Variants in MORC3 observed in about 807,000 individuals in gnomAD.
MORC3 encodes MORC family CW-type zinc finger 3, also known as MORC family CW-type zinc finger protein 3.
Under a neutral mutation model 109.1 loss-of-function variants are expected in MORC3, and 31 were observed. The observed-to-expected ratio is 0.28, with a 90% CI of 0.21 to 0.38. MORC3 has a LOEUF of 0.38. Ranked by LOEUF, MORC3 falls within the 10% of genes least tolerant of loss-of-function variation. MORC3 has a pLI of 1.00. For missense variants in MORC3, 867 were observed against 1,135.8 expected (o/e 0.76, Z 3.40); for synonymous variants, 395 against 380.7 (o/e 1.04, Z -0.44).
chr21:36,346,348 A>T (rs2085507442), intron 8 of MORC3, among the ~76,000 whole-genome samples: 1 of 152,184 alleles, frequency 6.6e-6, no homozygotes, highest in Non-Finnish European at 1.5e-5. Flanking sequence ...TTGATCCTGA[A>T]CAGCCCTGAG....
chr21:36,350,975 G>C (rs1050794696), intron 9 of MORC3, among the ~76,000 whole-genome samples: 1 of 149,126 alleles, frequency 6.7e-6, no homozygotes, highest in African/African-American at 2.5e-5. Flanking sequence ...GCCTTATTTT[G>C]TGTTAGGAAC....
At chr21:36,321,796 G>A (rs984757055) in intron 1 of MORC3, among the ~76,000 whole-genome samples, 2 of 152,160 alleles carry the variant, frequency 1.3e-5, no homozygotes, top group African/African-American at 4.8e-5. Context: ...GAGAAACGGA[G>A]TGAGTTGATT....
At chr21:36,351,465 C>T (rs551363943) in intron 9 of MORC3, among the ~76,000 whole-genome samples, 5 of 152,182 alleles carry the variant, frequency 3.3e-5, no homozygotes, top group Non-Finnish European at 7.3e-5. Context: ...CCTCTCCCCA[C>T]TACCTGTCCC....
chr21:36,369,184 G>A lies in MORC3; in HGVS notation c.1816G>A (p.Gly606Ser). The change falls in exon 15 of 17, where the codon GGT becomes AGT. Residue 606 changes from glycine (G) to serine (S), a missense_variant. Gly to Ser is a moderately conservative substitution (Grantham distance 56). Around this residue, in one of 7 missense-constraint regions of MORC3, gnomAD observed 486 missense variants for 502.1 expected, o/e 0.97. Transcript: ENST00000400485. ...MKSEQSHVEQ[G>S]GVQVEFVGDS... The stretch of plus-strand genomic sequence containing the variant: ...ATCAGAACAGAGTCACGTTGAGCAA[G>A]GTGGTGTTCAGGTTGAGTTTGTGGG... The A allele has an allele frequency of 6.2e-7, 1 of 1,614,166 alleles. No homozygotes were observed. The highest frequency in any genetic ancestry group is 8.5e-7 in the Non-Finnish European group (1 of 1,180,044).
intron 16 of MORC3, 48 bp from the exon 17 acceptor site, chr21:36,375,095 T>C: frequency 1.3e-6 from 2 of 1,542,050 alleles, no homozygotes; most frequent in Non-Finnish European, 1.8e-6. Flanking sequence ...TCTACATGAA[T>C]CTTAACTTGT....
intron 6 of MORC3, 71 bp downstream of exon 6, chr21:36,341,617 T>TAA: frequency 1.3e-6 from 2 of 1,583,388 alleles, no homozygotes; most frequent in Admixed American, 1.9e-5. Context: ...GAGGTCATGT[T>TAA]ACCTGCTTGT....
intron 1 of MORC3, among the ~76,000 whole-genome samples, chr21:36,327,410 C>T (rs185778496): frequency 6.6e-6 from 1 of 150,948 alleles, no homozygotes; most frequent in Non-Finnish European, 1.5e-5. Flanking sequence ...CCTCAGCCTC[C>T]CAAAGTGCTG....
At position 36,344,947 on chromosome 21, in the gene MORC3, C is replaced by T. The variant is rs1360441755; in HGVS notation, c.921C>T (p.Cys307=). ...KTVRITFGFN[C]RNKDHYGIMM... is the part of the protein sequence containing the mutation. ...TGAGAATTACCTTTGGATTCAACTG[C>T]AGAAATAAAGATCATTATGGGATAA... is the stretch of plus-strand genomic sequence containing the variant. Residue 307 remains cysteine, a synonymous_variant, in exon 8 of 17, where the codon TGC becomes TGT. Coordinates refer to ENST00000400485, the MANE Select transcript of MORC3 (RefSeq NM_015358.3). 2 of 1,611,340 alleles carry T rather than the reference C, an allele frequency of 1.2e-6. No individual in the cohort carries two copies. The highest frequency in any genetic ancestry group is 2.2e-5 in the South Asian group (2 of 90,264).
chr21:36,339,049 C>G (rs577485724), intron 5 of MORC3, 128 bp downstream of exon 5: 1 of 1,089,288 alleles, frequency 9.2e-7, no homozygotes, highest in African/African-American at 1.6e-5. Context: ...GGTGTAGTTA[C>G]TGATTTGTCT....
chr21:36,368,977 A>C lies in MORC3; in HGVS notation c.1620-11A>C. ...TATAATCTTATGTTTTATGTATAAA[A>C]TTTTTTTCAGCTTGAAACGGAGACT... On this transcript the variant is annotated splice_polypyrimidine_tract_variant and intron_variant, in intron 14 of 16. Coordinates refer to ENST00000400485, the MANE Select transcript of MORC3 (RefSeq NM_015358.3). The C allele has an allele frequency of 6.3e-7, 1 of 1,576,732 alleles. No homozygotes were observed. Among genetic ancestry groups the C allele is most frequent in the South Asian group, 1.2e-5 (1 of 86,288 alleles).
At position 36,369,753 on chromosome 21, in the gene MORC3, T is replaced by C; in HGVS notation, c.2385T>C (p.Ala795=). 1 of 1,614,198 alleles carries C rather than the reference T, an allele frequency of 6.2e-7. No homozygotes were observed. The highest frequency in any genetic ancestry group is 2.2e-5 in the East Asian group (1 of 44,884). Residue 795 remains alanine (A), a synonymous_variant, in exon 15 of 17, where the codon GCT becomes GCC. Transcript: ENST00000400485. The part of the protein sequence containing the change: ...KQCSALQHVK[A]ECSQCSNNES... ...GTAGTGCTTTGCAACATGTAAAGGC[T>C]GAATGCAGCCAGTGTTCCAATAATG... is the stretch of plus-strand genomic sequence containing the variant.
At chr21:36,362,808 G>A (rs1453348077) in intron 13 of MORC3, among the ~76,000 whole-genome samples, 1 of 151,992 alleles carries the variant, frequency 6.6e-6, no homozygotes, top group Admixed American at 6.6e-5. Flanking sequence ...ACTTCTGCTT[G>A]CCCACCTTTC....
rs1308965857 is a variant in MORC3 at position 36,375,894 on chromosome 21, T to C, written c.*598T>C. 2 of 152,276 alleles carry C rather than the reference T, an allele frequency of 1.3e-5. No individual in the cohort carries two copies. Among genetic ancestry groups the C allele is most frequent in the African/African-American group, 4.8e-5 (2 of 41,462 alleles). The allele number at this position is 152,276 out of a possible 1,614,324, so 9.4% of individuals were successfully genotyped here. ...ACTCCATTTTGCCAGGATTTTGTTG[T>C]GCTGAGATTGCCAATCACGGTTAAA... is the stretch of plus-strand genomic sequence containing the variant. On this transcript the variant is annotated 3_prime_UTR_variant, in exon 17 of 17. Transcript: ENST00000400485.
At position 36,369,761 on chromosome 21, in the gene MORC3, G is replaced by A. The variant is rs796950649; in HGVS notation, c.2393G>A (p.Ser798Asn). 1.2e-6 allele frequency: 2 copies of A among 1,614,210 alleles called. No homozygotes were observed. The highest frequency in any genetic ancestry group is 2.2e-5 in the South Asian group (2 of 91,090). ...SALQHVKAEC[S>N]QCSNNESKSE... ...TTGCAACATGTAAAGGCTGAATGCA[G>A]CCAGTGTTCCAATAATGAGAGTAAA... Residue 798 changes from serine (S) to asparagine (N), a missense_variant, in exon 15 of 17, where the codon AGC (serine) becomes AAC (asparagine). Coordinates refer to ENST00000400485, the MANE Select transcript of MORC3 (RefSeq NM_015358.3).
rs531260623 is a variant in MORC3, at chr21:36,322,068, A to C, written c.39+1765A>C. 1.6e-4 allele frequency among the ~76,000 whole-genome samples: 25 copies of C among 152,332 alleles called. No individual in the cohort carries two copies. In the South Asian group the frequency reaches 5.2e-3, roughly 32 times the overall value. On this transcript the variant is annotated intron_variant, in intron 1 of 16. Coordinates refer to ENST00000400485, the MANE Select transcript of MORC3 (RefSeq NM_015358.3). ...CTTTTGCTTTAGGTCAGGAGTTGGC[A>C]AACTACATACAGCTCATGGGCCAAA...
intron 1 of MORC3, among the ~76,000 whole-genome samples, chr21:36,323,450 G>A (rs1381120568): frequency 7.2e-5 from 11 of 152,136 alleles, no homozygotes. Flanking sequence ...CGTGCCGTAG[G>A]TGCACAATAA....
chr21:36,367,254 T>G (rs1191360846), intron 14 of MORC3, among the ~76,000 whole-genome samples: 2 of 152,116 alleles, frequency 1.3e-5, no homozygotes, highest in Non-Finnish European at 2.9e-5. Flanking sequence ...AATCCACCCT[T>G]CCCTCCTCAC....
At chr21:36,336,265 CAG>C (rs1342596930) in intron 2 of MORC3, among the ~76,000 whole-genome samples, 1 of 148,734 alleles carries the variant, frequency 6.7e-6, no homozygotes, top group African/African-American at 2.5e-5. Context: ...TTTTTGGAGA[CAG>C]AGTCTTGCTG....
intron 1 of MORC3, among the ~76,000 whole-genome samples, chr21:36,327,199 G>A (rs1275852120): frequency 1.6e-5 from 2 of 123,960 alleles, no homozygotes; most frequent in Non-Finnish European, 3.2e-5. Context: ...GACACTCCCA[G>A]GCTGGAGTGT....
Sources: allele counts gnomAD v4.1 joint callset (sites outside exome capture counted in the v4.1 genomes callset), GRCh38; gene constraint gnomAD v4.1.1; regional missense constraint gnomAD v4.1.1; transcripts MANE v1.5; gene names NCBI Gene and HGNC (gene_info 2026-07-23, HGNC 2026-07-21).